The following TTC28 variants were observed in gnomAD, a reference collection of about 807,000 sequenced individuals.
TTC28 encodes the protein tetratricopeptide repeat protein 28.
Under a neutral mutation model 198.0 loss-of-function variants are expected in TTC28, and 61 were observed. That is an observed-to-expected ratio of 0.31 (90% confidence interval 0.25 to 0.38). The LOEUF (loss-of-function observed/expected upper bound fraction) is 0.38, where lower values mean the gene tolerates loss of function less well. TTC28 is among the 10% of genes least tolerant of loss of function. The pLI is 1.00. For missense variants in TTC28, 2,678 were observed against 3,164.0 expected, an observed-to-expected ratio of 0.85 and a Z score of 3.69; for synonymous variants, 1,171 against 1,297.8, an observed-to-expected ratio of 0.90 and a Z score of 2.10.
At chr22:28,032,488 G>A (rs1939176157) in intron 12 of TTC28, among the ~76,000 whole-genome samples, 1 of 151,714 alleles carries the variant, frequency 6.6e-6, no homozygotes, top group Non-Finnish European at 1.5e-5. Flanking sequence ...CTGGCATGCA[G>A]CAGGTATGCA....
chr22:28,340,644 G>A (rs1601657582), intron 2 of TTC28, among the ~76,000 whole-genome samples: 1 of 152,246 alleles, frequency 6.6e-6, no homozygotes, highest in East Asian at 1.9e-4. Flanking sequence ...ATTGCCAAAT[G>A]GAAGTCTTTC....
At position 28,088,337 on chromosome 22, in the gene TTC28, A is replaced by G. The variant is rs1321383418; in HGVS notation, c.3932+5743T>C. ...GAGATATAGATCAATGGAACAGAAC[A>G]GAGCCCTCAGAAATAACGCCGCATA... On this transcript the variant is annotated intron_variant, in intron 12 of 22. Coordinates refer to ENST00000397906, the MANE Select transcript of TTC28 (RefSeq NM_001145418.2). 8.5e-5 allele frequency among the ~76,000 whole-genome samples: 13 copies of G among 152,294 alleles called. 1 individual carries two copies. In the East Asian group the frequency reaches 2.5e-3, roughly 29 times the overall value.
At chr22:28,066,036 C>T (rs934913314) in intron 12 of TTC28, among the ~76,000 whole-genome samples, 17 of 152,170 alleles carry the variant, frequency 1.1e-4, no homozygotes, top group South Asian at 2.1e-4. Context: ...CCCCCTTGTA[C>T]GCACAATATT....
At chr22:28,062,879 A>C (rs1244893139) in intron 12 of TTC28, among the ~76,000 whole-genome samples, 1 of 152,170 alleles carries the variant, frequency 6.6e-6, no homozygotes, top group African/African-American at 2.4e-5. Context: ...TGCTAATTTC[A>C]ACATCTGAGT....
At chr22:28,566,182 T>C (rs2049965957) in intron 2 of TTC28, among the ~76,000 whole-genome samples, 1 of 152,146 alleles carries the variant, frequency 6.6e-6, no homozygotes, top group African/African-American at 2.4e-5. Context: ...CCAGTTCCAT[T>C]TAGGCAGTCA....
intron 5 of TTC28, among the ~76,000 whole-genome samples, chr22:28,261,142 G>A (rs1235588516): frequency 1.3e-5 from 2 of 151,998 alleles, no homozygotes; most frequent in Non-Finnish European, 2.9e-5. Flanking sequence ...CCTCCCAAGG[G>A]CAATTCAGCT....
chr22:28,426,721 C>T (rs1023726233), intron 2 of TTC28, among the ~76,000 whole-genome samples: 4 of 152,160 alleles, frequency 2.6e-5, no homozygotes, highest in Non-Finnish European at 5.9e-5. Context: ...AGAGACTCAA[C>T]GACCTTCCTT....
At chr22:28,116,593 T>C (rs1942636282) in intron 6 of TTC28, among the ~76,000 whole-genome samples, 1 of 152,118 alleles carries the variant, frequency 6.6e-6, no homozygotes, top group African/African-American at 2.4e-5. Flanking sequence ...TCATTCTGGA[T>C]CACAATAAGA....
intron 5 of TTC28, among the ~76,000 whole-genome samples, chr22:28,266,715 T>C (rs1931705721): frequency 6.6e-6 from 1 of 152,144 alleles, no homozygotes; most frequent in African/African-American, 2.4e-5. Context: ...GACAAGTAAG[T>C]AAGCCCCATG....
chr22:28,585,295 C>G (rs527863032), intron 2 of TTC28, among the ~76,000 whole-genome samples: 1 of 152,100 alleles, frequency 6.6e-6, no homozygotes, highest in East Asian at 1.9e-4. Flanking sequence ...TCAGTGGGAG[C>G]CCTGAACTTG....
intron 2 of TTC28, among the ~76,000 whole-genome samples, chr22:28,548,793 T>C (rs920644048): frequency 1.3e-5 from 2 of 152,186 alleles, no homozygotes; most frequent in Admixed American, 6.5e-5. Flanking sequence ...CTCATAAACA[T>C]GTTTCCTTAC....
chr22:28,422,682 C>A (rs747738473), intron 2 of TTC28, among the ~76,000 whole-genome samples: 2 of 151,888 alleles, frequency 1.3e-5, no homozygotes, highest in Non-Finnish European at 2.9e-5. Context: ...CCCGACCTCA[C>A]GATTCACCCA....
intron 2 of TTC28, among the ~76,000 whole-genome samples, chr22:28,572,397 T>C (rs2050077943): frequency 6.6e-6 from 1 of 152,182 alleles, no homozygotes; most frequent in Non-Finnish European, 1.5e-5. Flanking sequence ...ATGTAAACAA[T>C]ATAAATGTTG....
intron 12 of TTC28, among the ~76,000 whole-genome samples, chr22:28,044,408 G>A (rs1452569716): frequency 6.6e-6 from 1 of 151,956 alleles, no homozygotes; most frequent in South Asian, 2.1e-4. Context: ...ACTGATAAAA[G>A]TCCTCTTCCA....
At chr22:28,627,755 T>A (rs2051100192) in intron 2 of TTC28, among the ~76,000 whole-genome samples, 1 of 151,680 alleles carries the variant, frequency 6.6e-6, no homozygotes, top group Admixed American at 6.6e-5. Flanking sequence ...TTCTCAACAA[T>A]TTTTGTTTCA....
Position 28,455,714 on chromosome 22 carries a change from A to C in TTC28, c.382-149071T>G, listed in dbSNP as rs536783219. ...GGGTGACAAAGTGAGACTCTTTCCCAAAAAAAAAAAAAAAAATTAGCATTT... is the reference window on the plus strand; with the variant it reads ...GGGTGACAAAGTGAGACTCTTTCCCCAAAAAAAAAAAAAAAATTAGCATTT... On this transcript the variant is annotated intron_variant, in intron 2 of 22. Coordinates refer to ENST00000397906, the MANE Select transcript of TTC28 (RefSeq NM_001145418.2). Among the ~76,000 whole-genome samples, 8 of 128,224 alleles carry C rather than the reference A, an allele frequency of 6.2e-5. No individual in the cohort carries two copies. In the South Asian group the frequency reaches 1.6e-3, roughly 26 times the overall value. 84.1% of individuals were successfully genotyped at this position (128,224 alleles called of 152,430 possible).
Position 28,034,785 on chromosome 22 carries a change from G to C in TTC28, c.3933-4419C>G, listed in dbSNP as rs144698365. ...GGAGCTGGAGAGAGGGAGCAGTCCA[G>C]AGGCAGGCAGTAGCTGCTTCATGGT... On this transcript the variant is annotated intron_variant, in intron 12 of 22. Transcript: ENST00000397906. Among the ~76,000 whole-genome samples, 1,037 of 152,316 alleles carry C rather than the reference G, an allele frequency of 6.8e-3. 8 individuals carry two copies. Among genetic ancestry groups the C allele is most frequent in the African/African-American group, 0.024 (987 of 41,560 alleles).
chr22:28,603,791 A>G (rs964057908), intron 2 of TTC28, among the ~76,000 whole-genome samples: 3 of 152,076 alleles, frequency 2.0e-5, no homozygotes, highest in Non-Finnish European at 4.4e-5. Context: ...ATATTAGTAA[A>G]TCTCTGTAAG....
chr22:28,119,333 C>G (rs756620088), intron 6 of TTC28, among the ~76,000 whole-genome samples: 10 of 152,080 alleles, frequency 6.6e-5, no homozygotes, highest in Non-Finnish European at 1.2e-4. Flanking sequence ...TTACAAATAA[C>G]AAAATAAAAA....
Sources: allele counts gnomAD v4.1 joint callset (sites outside exome capture counted in the v4.1 genomes callset), GRCh38; gene constraint gnomAD v4.1.1; transcripts MANE v1.5; gene names NCBI Gene and HGNC (gene_info 2026-07-23, HGNC 2026-07-21).